RORA: variants seen among roughly 807,000 people sequenced by gnomAD.
The protein encoded by RORA is nuclear receptor ROR-alpha.
Under a neutral mutation model 69.5 loss-of-function variants are expected in RORA, and 7 were observed. That is an observed-to-expected ratio of 0.10 (90% confidence interval 0.06 to 0.19). The LOEUF (loss-of-function observed/expected upper bound fraction) is 0.19. RORA is among the 10% of genes least tolerant of loss of function. RORA has a pLI of 1.00. For missense variants in RORA, 457 were observed against 663.0 expected (o/e 0.69, Z 3.41); for synonymous variants, 261 against 240.8 (o/e 1.08, Z -0.78).
intron 1 of RORA, among the ~76,000 whole-genome samples, chr15:60,864,878 C>G (rs1034041902): frequency 2.6e-5 from 4 of 152,176 alleles, no homozygotes; most frequent in African/African-American, 9.7e-5. Context: ...GTTCCAAAGT[C>G]ACAGAGCACC....
chr15:60,983,653 A>G (rs1344468622), intron 1 of RORA, among the ~76,000 whole-genome samples: 1 of 152,186 alleles, frequency 6.6e-6, no homozygotes, highest in Non-Finnish European at 1.5e-5. Context: ...CCAGGTCTTT[A>G]GATAAGAACT....
chr15:60,799,045 T>C (rs1224715440), intron 1 of RORA, among the ~76,000 whole-genome samples: 2 of 151,956 alleles, frequency 1.3e-5, no homozygotes, highest in Non-Finnish European at 2.9e-5. Flanking sequence ...TATAGCTGTG[T>C]CCTCAGTGAG....
chr15:61,206,015 T>G (rs948488397), intron 1 of RORA, among the ~76,000 whole-genome samples: 1 of 152,186 alleles, frequency 6.6e-6, no homozygotes, highest in Non-Finnish European at 1.5e-5. Context: ...TCTTGCTTCC[T>G]AAAGACGCAG....
chr15:60,827,625 T>A (rs2072983552), intron 1 of RORA, among the ~76,000 whole-genome samples: 2 of 152,206 alleles, frequency 1.3e-5, no homozygotes, highest in South Asian at 4.1e-4. Context: ...GACCCCAGAT[T>A]CCTGCTGCTG....
chr15:60,986,119 A>T (rs757562817), intron 1 of RORA, among the ~76,000 whole-genome samples: 1 of 152,002 alleles, frequency 6.6e-6, no homozygotes, highest in Non-Finnish European at 1.5e-5. Flanking sequence ...TAAAGGTAGT[A>T]CAGTCAACTG....
chr15:60,745,197 A>G (rs1428882881), intron 1 of RORA, among the ~76,000 whole-genome samples: 1 of 152,110 alleles, frequency 6.6e-6, no homozygotes, highest in East Asian at 1.9e-4. Flanking sequence ...GACCTCGCAC[A>G]CTCTAAATTT....
chr15:61,179,604 T>C (rs1396009873), intron 1 of RORA, among the ~76,000 whole-genome samples: 2 of 152,214 alleles, frequency 1.3e-5, no homozygotes, highest in Admixed American at 6.5e-5. Flanking sequence ...CTCAATAATC[T>C]TTAAGAGTAT....
intron 1 of RORA, among the ~76,000 whole-genome samples, chr15:61,137,103 A>AAAGAAAG (rs1567006753): frequency 7.0e-6 from 1 of 142,544 alleles, no homozygotes; most frequent in Non-Finnish European, 1.6e-5. Context: ...AAGAAAGAAA[A>AAAGAAAG]AAGCAAGGGT....
chr15:61,207,314 C>T (rs978986529), intron 1 of RORA, among the ~76,000 whole-genome samples: 5 of 152,128 alleles, frequency 3.3e-5, no homozygotes, highest in Non-Finnish European at 5.9e-5. Context: ...AGGATGGATT[C>T]CAGGAAGTTA....
At chr15:60,611,437 G>C (rs113097693) in intron 2 of RORA, among the ~76,000 whole-genome samples, 91 of 151,870 alleles carry the variant, frequency 6.0e-4, no homozygotes, top group African/African-American at 2.2e-3. Flanking sequence ...CTGTGTTTAT[G>C]TACTACGAGT....
intron 1 of RORA, among the ~76,000 whole-genome samples, chr15:61,122,820 C>T (rs954216599): frequency 5.9e-5 from 9 of 152,134 alleles, no homozygotes; most frequent in Non-Finnish European, 1.2e-4. Flanking sequence ...ATGTAAGCTA[C>T]GCCATCCTCT....
At chr15:60,916,623 TA>T (rs1891880213) in intron 1 of RORA, among the ~76,000 whole-genome samples, 1 of 152,114 alleles carries the variant, frequency 6.6e-6, no homozygotes, top group Non-Finnish European at 1.5e-5. Flanking sequence ...GATATATATA[TA>T]TTTTTAAATA....
At chr15:61,189,504 G>A (rs2079775667) in intron 1 of RORA, among the ~76,000 whole-genome samples, 1 of 152,144 alleles carries the variant, frequency 6.6e-6, no homozygotes, top group Non-Finnish European at 1.5e-5. Context: ...CCAGCACAAT[G>A]TCAATATCCC....
At chr15:60,501,956 T>G (rs1262023883) in intron 8 of RORA, among the ~76,000 whole-genome samples, 2 of 152,242 alleles carry the variant, frequency 1.3e-5, no homozygotes, top group Non-Finnish European at 2.9e-5. Flanking sequence ...TATGTTCATT[T>G]TATTTAAATT....
chr15:60,591,563 G>C (rs921330551), intron 2 of RORA, among the ~76,000 whole-genome samples: 1 of 151,612 alleles, frequency 6.6e-6, no homozygotes, highest in African/African-American at 2.4e-5. Flanking sequence ...GCGGAAGGCC[G>C]GGCCGCCCGG....
chr15:61,183,503 C>G (rs1306707714), intron 1 of RORA, among the ~76,000 whole-genome samples: 1 of 143,918 alleles, frequency 6.9e-6, no homozygotes, highest in Non-Finnish European at 1.5e-5. Context: ...CCATTGCACT[C>G]TAGCCTGGGC....
chr15:61,210,181 C>A (rs1390790581), intron 1 of RORA, among the ~76,000 whole-genome samples: 1 of 152,194 alleles, frequency 6.6e-6, no homozygotes, highest in Non-Finnish European at 1.5e-5. Context: ...CAGAGCTTCA[C>A]TAACCAGCAT....
rs2070739069 is a variant in RORA, at chr15:60,685,871, A to G, written c.167-7185T>C. On this transcript the variant is annotated intron_variant, in intron 1 of 10. Coordinates refer to ENST00000335670, the MANE Select transcript of RORA (RefSeq NM_134261.3). Reference sequence around the variant, plus strand: ...TAAAAATCATTTAGATATACTAATTATGAACATTAATAATACTATAATGGG... The same window carrying G: ...TAAAAATCATTTAGATATACTAATTGTGAACATTAATAATACTATAATGGG... Among the ~76,000 whole-genome samples, 3 of 152,348 alleles carry G rather than the reference A, an allele frequency of 2.0e-5. No homozygotes were observed. In the South Asian group the frequency reaches 6.2e-4, roughly 32 times the overall value.
At chr15:60,919,964 C>T (rs759240501) in intron 1 of RORA, among the ~76,000 whole-genome samples, 6 of 152,058 alleles carry the variant, frequency 3.9e-5, no homozygotes, top group Admixed American at 2.0e-4. Context: ...TCTTATAGAA[C>T]GTACAGAAGA....
Sources: gnomAD v4.1 joint callset for allele counts (sites outside exome capture counted in the v4.1 genomes callset) on GRCh38, gnomAD v4.1.1 for gene constraint, MANE v1.5 for transcripts, NCBI Gene and HGNC (gene_info 2026-07-23, HGNC 2026-07-21) for gene names.